Variants in SORCS2 observed in about 807,000 individuals in gnomAD.
The protein encoded by SORCS2 is VPS10 domain-containing receptor SorCS2.
In SORCS2, 100 loss-of-function variants were observed where a neutral mutation model predicts 141.6. The ratio of observed to expected loss-of-function variants is 0.71; its 90% CI spans 0.60 to 0.83. The LOEUF is 0.83. SORCS2 is among the 40% of genes least tolerant of loss of function. The pLI is 0.00. For synonymous variants in SORCS2, 789 were observed against 676.9 expected (o/e 1.17, Z -2.57); for missense variants, 1,646 against 1,560.2 (o/e 1.05, Z -0.93).
chr4:7,250,739 C>G (rs777798048), intron 1 of SORCS2, among the ~76,000 whole-genome samples: 1 of 152,372 alleles, frequency 6.6e-6, no homozygotes, highest in South Asian at 2.1e-4. Context: ...GGGCAGGCAG[C>G]GCTTTTGCGG....
At chr4:7,236,026 C>T (rs1444666886) in intron 1 of SORCS2, among the ~76,000 whole-genome samples, 5 of 152,204 alleles carry the variant, frequency 3.3e-5, no homozygotes, top group Admixed American at 6.5e-5. Context: ...TCCCTGCCTG[C>T]TGGCATTCTA....
chr4:7,395,324 C>T (rs1213849257), intron 1 of SORCS2, among the ~76,000 whole-genome samples: 1 of 152,150 alleles, frequency 6.6e-6, no homozygotes, highest in East Asian at 1.9e-4. Flanking sequence ...GGTGGTGACC[C>T]CAAATAACGA....
chr4:7,206,424 C>T (rs538205044), intron 1 of SORCS2, among the ~76,000 whole-genome samples: 6 of 152,274 alleles, frequency 3.9e-5, no homozygotes, highest in Admixed American at 6.5e-5. Flanking sequence ...TGGGGAGAGT[C>T]GAGTCCCTCT....
intron 1 of SORCS2, among the ~76,000 whole-genome samples, chr4:7,361,572 C>T (rs1271390944): frequency 6.6e-6 from 1 of 152,098 alleles, no homozygotes; most frequent in South Asian, 2.1e-4. Flanking sequence ...TTATCATAAT[C>T]CCTGGGAGTC....
chr4:7,736,987 T>C (rs2148903681), intron 25 of SORCS2, 82 bp from the exon 26 acceptor site: 1 of 1,517,284 alleles, frequency 6.6e-7, no homozygotes, highest in Non-Finnish European at 8.9e-7. Context: ...CTCGGTGTGG[T>C]CAGGCGGCCA....
intron 3 of SORCS2, among the ~76,000 whole-genome samples, chr4:7,542,833 G>A (rs1202210058): frequency 6.6e-6 from 1 of 152,252 alleles, no homozygotes; most frequent in Admixed American, 6.5e-5. Context: ...GGTGGCTGGG[G>A]ATCCAGGTTC....
At chr4:7,383,872 C>T (rs1679115470) in intron 1 of SORCS2, among the ~76,000 whole-genome samples, 1 of 152,120 alleles carries the variant, frequency 6.6e-6, no homozygotes, top group Admixed American at 6.5e-5. Context: ...TTTCAAAGGA[C>T]AGCTGAGGTG....
At chr4:7,463,851 G>A (rs1427997987) in intron 2 of SORCS2, among the ~76,000 whole-genome samples, 1 of 152,178 alleles carries the variant, frequency 6.6e-6, no homozygotes, top group Non-Finnish European at 1.5e-5. Flanking sequence ...TGGTTTCCCA[G>A]CTGTCACACT....
At chr4:7,230,059 C>G (rs13126393) in intron 1 of SORCS2, among the ~76,000 whole-genome samples, 5 of 111,684 alleles carry the variant, frequency 4.5e-5, no homozygotes, top group Admixed American at 2.9e-4. Context: ...GTCTTCGAGT[C>G]TCTGGGCAGG....
At chr4:7,582,251 A>G (rs1214724969) in intron 3 of SORCS2, among the ~76,000 whole-genome samples, 1 of 152,240 alleles carries the variant, frequency 6.6e-6, no homozygotes, top group African/African-American at 2.4e-5. Flanking sequence ...CATACAGGAC[A>G]ATAGGGGCAA....
At chr4:7,291,724 C>T (rs1022946539) in intron 1 of SORCS2, among the ~76,000 whole-genome samples, 1 of 152,130 alleles carries the variant, frequency 6.6e-6, no homozygotes, top group African/African-American at 2.4e-5. Flanking sequence ...TCCTGTGGGC[C>T]CATCCCTGTC....
chr4:7,193,122 G>A lies in SORCS2; in HGVS notation c.476G>A (p.Ser159Asn). Residue 159 changes from serine to asparagine, a missense_variant, in exon 1 of 27, where the codon AGC (serine) becomes AAC (asparagine). Transcript: ENST00000507866. The surrounding 1 kb of genome is among the most constrained non-coding windows in gnomAD (Gnocchi z 4.8). ...ATGGTGCACTGGACGGGCGAGAACAGCAGCGTAAGTGACCTCCACGCGCTC... is the reference window on the plus strand; with the variant it reads ...ATGGTGCACTGGACGGGCGAGAACAACAGCGTAAGTGACCTCCACGCGCTC... ...QAMVHWTGEN[S>N]SVILILTKYY... The A allele has an allele frequency of 6.5e-7, 1 of 1,536,316 alleles. No individual in the cohort carries two copies.
chr4:7,406,463 G>C (rs1008971125), intron 2 of SORCS2, among the ~76,000 whole-genome samples: 4 of 149,960 alleles, frequency 2.7e-5, no homozygotes, highest in African/African-American at 7.4e-5. Context: ...GTTCAATCTT[G>C]GTGGGTTGTA....
At chr4:7,717,146 G>A (rs958554280) in intron 17 of SORCS2, among the ~76,000 whole-genome samples, 2 of 152,172 alleles carry the variant, frequency 1.3e-5, no homozygotes, top group African/African-American at 4.8e-5. Flanking sequence ...CTAAAAGGTT[G>A]CCCAGGGCCT....
chr4:7,391,800 G>C (rs1161584203), intron 1 of SORCS2, among the ~76,000 whole-genome samples: 2 of 152,164 alleles, frequency 1.3e-5, no homozygotes, highest in African/African-American at 4.8e-5. Context: ...TGTGAGCTCT[G>C]TTGTTGAATC....
At chr4:7,319,720 A>G (rs574558424) in intron 1 of SORCS2, among the ~76,000 whole-genome samples, 14 of 152,348 alleles carry the variant, frequency 9.2e-5, no homozygotes, top group African/African-American at 3.4e-4. Context: ...CCTCTAAAAA[A>G]ACAAAAAACA....
intron 8 of SORCS2, among the ~76,000 whole-genome samples, chr4:7,674,693 G>C (rs959722985): frequency 6.6e-6 from 1 of 151,344 alleles, no homozygotes; most frequent in African/African-American, 2.4e-5. Context: ...GGGCCTCAGC[G>C]TTCAGGAGTC....
chr4:7,260,163 C>T (rs1018404808), intron 1 of SORCS2, among the ~76,000 whole-genome samples: 15 of 152,342 alleles, frequency 9.8e-5, no homozygotes, highest in African/African-American at 3.1e-4. Context: ...CTTTTCTTTT[C>T]CCTGTGGGTG....
chr4:7,215,423 G>A (rs1728281013), intron 1 of SORCS2, among the ~76,000 whole-genome samples: 1 of 152,224 alleles, frequency 6.6e-6, no homozygotes, highest in Non-Finnish European at 1.5e-5. Flanking sequence ...CGACTCCGTG[G>A]GTTCCTGTGC....
Sources: gnomAD v4.1 joint callset for allele counts (sites outside exome capture counted in the v4.1 genomes callset) on GRCh38, gnomAD v4.1.1 for gene constraint, Gnocchi (gnomAD v3.1) non-coding constraint, MANE v1.5 for transcripts, NCBI Gene and HGNC (gene_info 2026-07-23, HGNC 2026-07-21) for gene names.